The following MPRIP variants were observed in gnomAD, a reference collection of about 807,000 sequenced individuals.
MPRIP encodes the protein myosin phosphatase Rho interacting protein, also known as myosin phosphatase Rho-interacting protein.
Under a neutral mutation model 234.9 loss-of-function variants are expected in MPRIP, and 59 were observed. That is an observed-to-expected ratio of 0.25 (90% CI 0.20 to 0.31). MPRIP has a LOEUF of 0.31. Ranked by LOEUF, MPRIP falls within the 10% of genes least tolerant of loss-of-function variation. The pLI is 1.00. For synonymous variants in MPRIP, 1,144 were observed against 1,263.9 expected, an observed-to-expected ratio of 0.91 and a Z score of 2.01; for missense variants, 2,436 against 3,071.0, an observed-to-expected ratio of 0.79 and a Z score of 4.89.
chr17:17,076,558 T>G lies in MPRIP; in HGVS notation c.201+771T>G, dbSNP rs539547141. On this transcript the variant is annotated intron_variant, in intron 2 of 23. Coordinates refer to ENST00000651222, the MANE Select transcript of MPRIP (RefSeq NM_001364716.4). The stretch of plus-strand genomic sequence containing the variant: ...TTGTGTCTCTGTTCTTTGGGATTGC[T>G]TCTAGAATGGGTTTTGATTTCAGAG... 2.6e-5 allele frequency among the ~76,000 whole-genome samples: 4 copies of G among 152,330 alleles called. No homozygotes were observed. The South Asian group carries it at 8.3e-4, about 32-fold the overall frequency.
rs897071851 is a variant in MPRIP, at chr17:17,167,463, C to G, written c.5872C>G (p.Gln1958Glu). The G allele has an allele frequency of 6.9e-6, 9 of 1,304,074 alleles. No individual in the cohort carries two copies. In the African/African-American group the frequency reaches 1.4e-4, roughly 20 times the overall value. The allele number at this position is 1,304,074 out of a possible 1,614,324, so 80.8% of individuals were successfully genotyped here. The change falls in exon 16 of 24, where the codon CAG becomes GAG. Residue 1958 changes from glutamine (Q) to glutamate (E), a missense_variant. By Grantham distance (29) the Gln-to-Glu change is conservative. Coordinates refer to ENST00000651222, the MANE Select transcript of MPRIP (RefSeq NM_001364716.4). This position sits in a 1 kb window ranked among gnomAD's most constrained non-coding sequence, Gnocchi z 5.9. ...GGAGGAGATTCGGTGTGTGGTGGAG[C>G]AGCTGACCAGGACCGAGAGCACACT... is the stretch of plus-strand genomic sequence containing the variant. ...YEEEIRCVVE[Q>E]LTRTESTLQA...
chr17:17,090,043 G>A (rs1211267391), intron 3 of MPRIP, among the ~76,000 whole-genome samples: 2 of 152,192 alleles, frequency 1.3e-5, no homozygotes, highest in Non-Finnish European at 2.9e-5. Flanking sequence ...GGGGGAGGTG[G>A]GGAGACGGAA....
At chr17:17,095,575 C>A (rs548401175) in intron 3 of MPRIP, among the ~76,000 whole-genome samples, 2 of 152,240 alleles carry the variant, frequency 1.3e-5, no homozygotes, top group Admixed American at 1.3e-4. Flanking sequence ...TTTTAGGATG[C>A]AGACTTTCTT....
At chr17:17,123,011 C>T (rs988788658) in intron 3 of MPRIP, among the ~76,000 whole-genome samples, 2 of 152,212 alleles carry the variant, frequency 1.3e-5, no homozygotes, top group Non-Finnish European at 2.9e-5. Flanking sequence ...GCGGTATAGC[C>T]GCACAATGGA....
rs764192211 is a variant in MPRIP at position 17,136,217 on chromosome 17, A to G, written c.505-2A>G. ...CACAGACACCACTTTCTCCTCCTCC[A>G]GGAGCCTGGGCCTGCCAAGGTGGCT... is the stretch of plus-strand genomic sequence containing the variant. On this transcript the variant is annotated splice_acceptor_variant, in intron 5 of 23. Transcript: ENST00000651222. LOFTEE classifies it high-confidence loss of function. The G allele has an allele frequency of 6.2e-7, 1 of 1,613,732 alleles. No individual in the cohort carries two copies.
At chr17:17,172,565 A>G in intron 17 of MPRIP, 133 bp from the exon 18 acceptor site, 1 of 663,154 alleles carries the variant, frequency 1.5e-6, no homozygotes, top group Admixed American at 2.8e-5. Flanking sequence ...GTCATGCAAA[A>G]TCCAACTGCT....
Position 17,172,683 on chromosome 17 carries a change from T to C in MPRIP, c.6473-15T>C, listed in dbSNP as rs760837006. The C allele has an allele frequency of 6.2e-7, 1 of 1,604,482 alleles. No homozygotes were observed. Among genetic ancestry groups the C allele is most frequent in the Admixed American group, 1.7e-5 (1 of 59,866 alleles). The stretch of plus-strand genomic sequence containing the variant: ...GCGTGGTCCCTCGGTGCTGAGGCCG[T>C]GTCCTTGCCTGCAGCCATCGAAGCC... On this transcript the variant is annotated splice_polypyrimidine_tract_variant and intron_variant, in intron 17 of 23. Transcript: ENST00000651222.
Position 17,136,367 on chromosome 17 carries a change from G to A in MPRIP, c.653G>A (p.Ser218Asn). 6.2e-7 allele frequency: 1 copy of A among 1,611,072 alleles called. No homozygotes were observed. Among genetic ancestry groups the A allele is most frequent in the Non-Finnish European group, 8.5e-7 (1 of 1,178,650 alleles). Residue 218 changes from serine to asparagine, a missense_variant, in exon 6 of 24, where the codon AGC (serine) becomes AAC (asparagine). Ser to Asn is a conservative substitution (Grantham distance 46). Coordinates refer to ENST00000651222, the MANE Select transcript of MPRIP (RefSeq NM_001364716.4). ...MRTKDQPDGSSLSPAQSPSQS... is the reference protein window; with the variant it reads ...MRTKDQPDGSNLSPAQSPSQS... The stretch of plus-strand genomic sequence containing the variant: ...ACCAAGGACCAGCCAGATGGCAGCA[G>A]CCTGAGTCCAGCTCAGAGTCCCAGC...
At chr17:17,051,939 C>T (rs2088554727) in intron 1 of MPRIP, among the ~76,000 whole-genome samples, 1 of 152,250 alleles carries the variant, frequency 6.6e-6, no homozygotes, top group Non-Finnish European at 1.5e-5. Context: ...GTCAGAGCTG[C>T]TTTGCAGCGA....
intron 1 of MPRIP, among the ~76,000 whole-genome samples, chr17:17,046,226 T>G (rs1314831709): frequency 6.6e-6 from 1 of 152,268 alleles, no homozygotes; most frequent in African/African-American, 2.4e-5. Flanking sequence ...CATATAAAGA[T>G]GCCAGAACCA....
chr17:17,137,840 C>T (rs2090734087), intron 6 of MPRIP, 76 bp from the exon 7 acceptor site: 1 of 1,394,944 alleles, frequency 7.2e-7, no homozygotes, highest in Admixed American at 2.3e-5. Flanking sequence ...CCTACATGGG[C>T]TTTAAAAAAA....
chr17:17,185,752 T>G lies in MPRIP; in HGVS notation c.*858T>G, dbSNP rs571323185. 5.6e-5 allele frequency: 15 copies of G among 266,482 alleles called. 1 individual carries two copies. In the Middle Eastern group the frequency reaches 2.2e-3, roughly 39 times the overall value. 16.5% of individuals were successfully genotyped at this position (266,482 alleles called of 1,614,324 possible). On this transcript the variant is annotated 3_prime_UTR_variant, in exon 24 of 24. Coordinates refer to ENST00000651222, the MANE Select transcript of MPRIP (RefSeq NM_001364716.4). Reference sequence around the variant, plus strand: ...ATGGGGGAAGGTTTGGGGGTTTGGGTTTTTTTTTTACCTTTTGGAAAAGAA... The same window carrying G: ...ATGGGGGAAGGTTTGGGGGTTTGGGGTTTTTTTTTACCTTTTGGAAAAGAA...
chr17:17,175,954 C>T (rs2046244812), intron 20 of MPRIP, among the ~76,000 whole-genome samples: 1 of 152,224 alleles, frequency 6.6e-6, no homozygotes, highest in Admixed American at 6.5e-5. Flanking sequence ...CTGGCAGTGA[C>T]ACTGAGAGGC....
intron 22 of MPRIP, 143 bp downstream of exon 22, chr17:17,177,555 C>G: frequency 1.1e-6 from 1 of 875,782 alleles, no homozygotes; most frequent in South Asian, 1.8e-5. Context: ...GCAGGAGCAC[C>G]AGCTTCACAC....
At chr17:17,055,921 G>C (rs2143882329) in intron 1 of MPRIP, among the ~76,000 whole-genome samples, 1 of 152,358 alleles carries the variant, frequency 6.6e-6, no homozygotes, top group South Asian at 2.1e-4. Context: ...AGCAGTCTCA[G>C]AAGGCGGAGT....
At chr17:17,126,274 C>T (rs1043045919) in intron 3 of MPRIP, among the ~76,000 whole-genome samples, 2 of 152,326 alleles carry the variant, frequency 1.3e-5, no homozygotes, top group Non-Finnish European at 2.9e-5. Context: ...ACAGCCTGCT[C>T]TCAAGGATGT....
chr17:17,142,506 G>A (rs2045349715), intron 7 of MPRIP, 121 bp from the exon 8 acceptor site: 11 of 1,178,186 alleles, frequency 9.3e-6, no homozygotes, highest in South Asian at 4.4e-5. Context: ...AGACAACCTC[G>A]GTGCTGTGCA....
At chr17:17,144,984 C>T (rs2045426147) in intron 9 of MPRIP, among the ~76,000 whole-genome samples, 1 of 152,236 alleles carries the variant, frequency 6.6e-6, no homozygotes, top group South Asian at 2.1e-4. Flanking sequence ...TTAAGGGCTA[C>T]TTGGGGTAGG....
At chr17:17,064,433 C>T (rs904215519) in intron 1 of MPRIP, among the ~76,000 whole-genome samples, 3 of 152,014 alleles carry the variant, frequency 2.0e-5, no homozygotes, top group Admixed American at 2.0e-4. Context: ...AACAGAGATC[C>T]CATGTACCCC....
Sources: allele counts gnomAD v4.1 joint callset (sites outside exome capture counted in the v4.1 genomes callset), GRCh38; gene constraint gnomAD v4.1.1; non-coding constraint Gnocchi (gnomAD v3.1); transcripts MANE v1.5; gene names NCBI Gene and HGNC (gene_info 2026-07-23, HGNC 2026-07-21).